The following PDE10A variants were observed in gnomAD, a reference collection of about 807,000 sequenced individuals.
The protein encoded by PDE10A is phosphodiesterase 10A.
A neutral mutation model predicts 97.7 loss-of-function variants in PDE10A; 39 were observed. The ratio of observed to expected loss-of-function variants is 0.40; its 90% CI spans 0.31 to 0.52. The LOEUF (loss-of-function observed/expected upper bound fraction) is 0.52. Among genes scored for constraint, PDE10A ranks in the 20% least tolerant of loss-of-function variants. The probability of loss-of-function intolerance (pLI) is 0.56; values close to 1 mark genes in which losing one functional copy is unlikely to be tolerated. For synonymous variants in PDE10A, 371 were observed against 376.8 expected (o/e 0.98, Z 0.18); for missense variants, 731 against 1,047.8 (o/e 0.70, Z 4.17).
At chr6:165,442,521 G>A (rs1790546467) in intron 5 of PDE10A, among the ~76,000 whole-genome samples, 1 of 152,130 alleles carries the variant, frequency 6.6e-6, no homozygotes, top group African/African-American at 2.4e-5. Flanking sequence ...GGCAGAAGAG[G>A]GAGTGCAAGG....
intron 1 of PDE10A, among the ~76,000 whole-genome samples, chr6:165,613,250 C>T (rs1225110607): frequency 6.6e-6 from 1 of 152,024 alleles, no homozygotes; most frequent in Non-Finnish European, 1.5e-5. Context: ...TATCACATTC[C>T]ATAATCCAGT....
intron 1 of PDE10A, among the ~76,000 whole-genome samples, chr6:165,872,823 C>T (rs948496996): frequency 6.6e-6 from 1 of 152,156 alleles, no homozygotes; most frequent in Admixed American, 6.5e-5. Context: ...AATAGGGGAT[C>T]AGTAACCACC....
intron 3 of PDE10A, among the ~76,000 whole-genome samples, chr6:165,477,346 C>T (rs1181223489): frequency 4.6e-5 from 7 of 152,162 alleles, no homozygotes; most frequent in Non-Finnish European, 8.8e-5. Flanking sequence ...CATCATTTAC[C>T]CTGCCTCTCG....
chr6:165,944,971 A>G (rs144518409), intron 1 of PDE10A, among the ~76,000 whole-genome samples: 34 of 152,298 alleles, frequency 2.2e-4, no homozygotes, highest in African/African-American at 8.2e-4. Flanking sequence ...TGTGGCAATG[A>G]CCTTGGGTGT....
intron 1 of PDE10A, among the ~76,000 whole-genome samples, chr6:165,821,304 A>G (rs1779562064): frequency 6.6e-6 from 1 of 152,204 alleles, no homozygotes; most frequent in Admixed American, 6.5e-5. Flanking sequence ...CCTCTTGACA[A>G]CCTGACCTTT....
chr6:165,691,426 T>G (rs1398091514), intron 1 of PDE10A, among the ~76,000 whole-genome samples: 2 of 152,146 alleles, frequency 1.3e-5, no homozygotes, highest in Non-Finnish European at 2.9e-5. Flanking sequence ...GGCCATACCA[T>G]AGACCCTGTG....
chr6:165,538,591 A>G (rs1402661419), intron 2 of PDE10A, among the ~76,000 whole-genome samples: 2 of 152,256 alleles, frequency 1.3e-5, no homozygotes, highest in East Asian at 1.9e-4. Context: ...TCATGCTACC[A>G]TTCACTTCTT....
At chr6:165,605,269 A>C (rs1445118503) in intron 1 of PDE10A, among the ~76,000 whole-genome samples, 1 of 151,938 alleles carries the variant, frequency 6.6e-6, no homozygotes, top group Admixed American at 6.6e-5. Context: ...AACAAAAAAC[A>C]AACAAACAAA....
At position 165,558,042 on chromosome 6, in the gene PDE10A, G is replaced by A. The variant is rs114431915; in HGVS notation, c.866-14474C>T. ...AAACGATATGCCTAACCTATGGAGC[G>A]TGGCAATGCCTCAAGGATCTAGAAC... On this transcript the variant is annotated intron_variant, in intron 1 of 21. Coordinates refer to ENST00000539869, the MANE Select transcript of PDE10A (RefSeq NM_001385079.1). 2.0e-3 allele frequency among the ~76,000 whole-genome samples: 301 copies of A among 152,236 alleles called. 2 individuals carry two copies. Among genetic ancestry groups the A allele is most frequent in the African/African-American group, 6.5e-3 (272 of 41,534 alleles).
At position 165,723,918 on chromosome 6, in the gene PDE10A, A is replaced by G. The variant is rs1792227570; in HGVS notation, c.-614-180350T>C. 2.0e-5 allele frequency among the ~76,000 whole-genome samples: 3 copies of G among 151,868 alleles called. 1 individual carries two copies. The South Asian group carries it at 6.2e-4, about 31-fold the overall frequency. ...TTCGGATAATAAAAATTCCTGAGAG[A>G]TGCTGAAAAAGTAAAAAGCTGATTT... On this transcript the variant is annotated intron_variant, in intron 1 of 19. Transcript: ENST00000366882.
chr6:165,948,157 AG>A (rs1783839880), intron 1 of PDE10A: 1 of 152,152 alleles, frequency 6.6e-6, no homozygotes, highest in Admixed American at 6.6e-5. Flanking sequence ...TCAATAGACA[AG>A]AGATGTCTAA....
intron 1 of PDE10A, among the ~76,000 whole-genome samples, chr6:165,585,668 T>C (rs577058572): frequency 1.4e-4 from 22 of 152,270 alleles, no homozygotes; most frequent in African/African-American, 5.3e-4. Flanking sequence ...GCCCTGCCAA[T>C]ACCCTGATTC....
At chr6:165,871,397 T>G (rs1781200802) in intron 1 of PDE10A, among the ~76,000 whole-genome samples, 1 of 152,290 alleles carries the variant, frequency 6.6e-6, no homozygotes, top group South Asian at 2.1e-4. Context: ...GATGAAGTGG[T>G]GGGGATGAGT....
intron 21 of PDE10A, among the ~76,000 whole-genome samples, chr6:165,333,360 G>A (rs555733871): frequency 9.2e-5 from 14 of 152,160 alleles, no homozygotes; most frequent in Admixed American, 4.6e-4. Context: ...GCTCTGGACC[G>A]CGAAAGCAGC....
At chr6:165,915,657 C>A (rs142438064) in intron 1 of PDE10A, among the ~76,000 whole-genome samples, 2 of 152,356 alleles carry the variant, frequency 1.3e-5, no homozygotes, top group Non-Finnish European at 2.9e-5. Flanking sequence ...GTGAGCACCC[C>A]TGGGCATTGC....
intron 13 of PDE10A, among the ~76,000 whole-genome samples, chr6:165,410,933 A>C (rs13194707): frequency 0.014 from 196 of 14,488 alleles, 1 homozygote; most frequent in African/African-American, 0.032. Context: ...CTAAAAATAC[A>C]AAAAAATAGC....
intron 1 of PDE10A, among the ~76,000 whole-genome samples, chr6:165,551,226 A>G (rs1463973563): frequency 1.3e-5 from 2 of 152,216 alleles, no homozygotes; most frequent in Admixed American, 1.3e-4. Context: ...CAGCAGATGT[A>G]TAACTTTAAA....
At chr6:165,826,342 C>T (rs1779746160) in intron 1 of PDE10A, among the ~76,000 whole-genome samples, 1 of 151,110 alleles carries the variant, frequency 6.6e-6, no homozygotes, top group South Asian at 2.1e-4. Flanking sequence ...GTCCCCATGT[C>T]CCTGTGTCCC....
At chr6:165,587,690 T>C (rs1460155077) in intron 1 of PDE10A, among the ~76,000 whole-genome samples, 3 of 152,064 alleles carry the variant, frequency 2.0e-5, no homozygotes, top group Non-Finnish European at 4.4e-5. Flanking sequence ...ACCTGATTGA[T>C]AGGATAGAAC....
Sources: gnomAD v4.1 joint callset for allele counts (sites outside exome capture counted in the v4.1 genomes callset) on GRCh38, gnomAD v4.1.1 for gene constraint, MANE v1.5 for transcripts, NCBI Gene and HGNC (gene_info 2026-07-23, HGNC 2026-07-21) for gene names.